The following OR11A1 variants were observed in gnomAD, a reference collection of about 807,000 sequenced individuals.
OR11A1 encodes olfactory receptor 11A1.
For synonymous variants in OR11A1, 158 were observed against 152.2 expected, an observed-to-expected ratio of 1.04 and a Z score of -0.28; for missense variants, 380 against 378.2, an observed-to-expected ratio of 1.00 and a Z score of -0.04.
At chr6:29,436,711 T>C (rs1426102701) in intron 1 of OR11A1, among the ~76,000 whole-genome samples, 1 of 152,196 alleles carries the variant, frequency 6.6e-6, no homozygotes, top group East Asian at 1.9e-4. Context: ...ATGAGAAATA[T>C]GAGTCTCATT....
intron 1 of OR11A1, among the ~76,000 whole-genome samples, chr6:29,444,206 A>G (rs1248811597): frequency 2.0e-5 from 3 of 152,130 alleles, no homozygotes; most frequent in African/African-American, 2.4e-5. Flanking sequence ...GCTGCCCTAC[A>G]CAAGCTCTCA....
chr6:29,432,807 C>T (rs1054603151), intron 1 of OR11A1, among the ~76,000 whole-genome samples: 2 of 152,100 alleles, frequency 1.3e-5, no homozygotes, highest in African/African-American at 4.8e-5. Flanking sequence ...TTATCAAACT[C>T]AGACCCTAAC....
chr6:29,448,261 C>T (rs1358876222), intron 1 of OR11A1, among the ~76,000 whole-genome samples: 1 of 151,826 alleles, frequency 6.6e-6, no homozygotes, highest in Non-Finnish European at 1.5e-5. Context: ...ATGATCTGCC[C>T]ACCTCGGCCT....
At chr6:29,455,181 A>T (rs1582637920) in intron 1 of OR11A1, among the ~76,000 whole-genome samples, 1 of 152,330 alleles carries the variant, frequency 6.6e-6, no homozygotes, top group East Asian at 1.9e-4. Context: ...AATCAAACTT[A>T]AAAGCTTCTT....
intron 1 of OR11A1, chr6:29,439,376 A>C (rs1197633140): frequency 5.9e-5 from 9 of 152,224 alleles, no homozygotes; most frequent in Non-Finnish European, 1.0e-4. Context: ...AGAAATGCTC[A>C]CCCCTCTAAA....
At chr6:29,428,289 A>C (rs986421154) in intron 4 of OR11A1, 5 of 985,182 alleles carry the variant, frequency 5.1e-6, no homozygotes, top group Non-Finnish European at 4.8e-6. Context: ...CAAGTCATTC[A>C]GGAGTTGGTA....
chr6:29,437,155 A>T (rs1178743097), intron 1 of OR11A1, among the ~76,000 whole-genome samples: 1 of 152,240 alleles, frequency 6.6e-6, no homozygotes, highest in Non-Finnish European at 1.5e-5. Flanking sequence ...CTAGAACTAG[A>T]AATACCATTT....
chr6:29,429,458 G>C (rs1182310775), intron 3 of OR11A1, among the ~76,000 whole-genome samples: 2 of 152,108 alleles, frequency 1.3e-5, no homozygotes, highest in Non-Finnish European at 2.9e-5. Flanking sequence ...AAACAAAACT[G>C]GTCCATACTC....
chr6:29,456,731 G>T (rs981998431), intron 1 of OR11A1, among the ~76,000 whole-genome samples: 19 of 152,198 alleles, frequency 1.2e-4, no homozygotes, highest in African/African-American at 4.6e-4. Flanking sequence ...CTCTATTACA[G>T]CATAAAAAGT....
chr6:29,432,786 T>G (rs1783312686), intron 1 of OR11A1, among the ~76,000 whole-genome samples: 1 of 152,172 alleles, frequency 6.6e-6, no homozygotes, highest in Non-Finnish European at 1.5e-5. Flanking sequence ...TTGAAGGCAC[T>G]TCTGTGTCAT....
At chr6:29,439,431 T>A (rs554206157) in intron 1 of OR11A1, 1 of 152,514 alleles carries the variant, frequency 6.6e-6, no homozygotes, top group South Asian at 2.1e-4. Flanking sequence ...AGAGAGGATC[T>A]TTCTCATTTT....
At chr6:29,446,134 T>C (rs1165820531) in intron 1 of OR11A1, among the ~76,000 whole-genome samples, 1 of 152,158 alleles carries the variant, frequency 6.6e-6, no homozygotes, top group Non-Finnish European at 1.5e-5. Context: ...TGGCTAACCC[T>C]TTACACTTCT....
At chr6:29,439,915 T>A in intron 1 of OR11A1, 2 of 836,796 alleles carry the variant, frequency 2.4e-6, no homozygotes, top group Admixed American at 2.4e-5. Flanking sequence ...AGTGCTGCGA[T>A]CAGATGCAGA....
intron 1 of OR11A1, among the ~76,000 whole-genome samples, chr6:29,432,375 T>C (rs1561778366): frequency 6.6e-6 from 1 of 152,070 alleles, no homozygotes; most frequent in Non-Finnish European, 1.5e-5. Context: ...AAAGCCCCAA[T>C]TCCTAGTCTC....
intron 1 of OR11A1, chr6:29,440,248 C>G (rs773828591): frequency 6.2e-7 from 1 of 1,614,022 alleles, no homozygotes; most frequent in Non-Finnish European, 8.5e-7. Flanking sequence ...GTCACGGTCC[C>G]CCTGCTACTT....
rs772307888 is a variant in OR11A1, at chr6:29,427,038, TGA to T, written c.602_603del (p.Leu201HisfsTer111). On this transcript the variant is annotated frameshift_variant, in exon 5 of 5. Transcript: ENST00000377149. LOFTEE classifies it low-confidence loss of function (END_TRUNC). ...SDPRVAQVTT[L>X]ILSVFCLTIP... Reference sequence around the variant, plus strand: ...ATAGTGAGGCAGAACACAGACAGAATGAGAGTTGTCACCTGAGCCACTCTGGG... The same window carrying T: ...ATAGTGAGGCAGAACACAGACAGAATGAGTTGTCACCTGAGCCACTCTGGG... 9.9e-6 allele frequency: 16 copies of T among 1,612,270 alleles called. 1 individual carries two copies. The highest frequency in any genetic ancestry group is 1.6e-4 in the Middle Eastern group (1 of 6,062).
chr6:29,455,025 G>A (rs1785903630), intron 1 of OR11A1, among the ~76,000 whole-genome samples: 1 of 151,726 alleles, frequency 6.6e-6, no homozygotes, highest in African/African-American at 2.4e-5. Context: ...ATTAACATGG[G>A]TCATATAAAT....
At chr6:29,454,376 G>T (rs1201207612) in intron 1 of OR11A1, among the ~76,000 whole-genome samples, 2 of 152,042 alleles carry the variant, frequency 1.3e-5, no homozygotes, top group African/African-American at 4.8e-5. Context: ...AGGCATGAAA[G>T]GATGCTCTTT....
intron 1 of OR11A1, among the ~76,000 whole-genome samples, chr6:29,434,963 T>G (rs2151373134): frequency 6.6e-6 from 1 of 152,386 alleles, no homozygotes; most frequent in South Asian, 2.1e-4. Flanking sequence ...CTTGGCCACA[T>G]AAATTACCTA....
Sources: gnomAD v4.1 joint callset for allele counts (sites outside exome capture counted in the v4.1 genomes callset) on GRCh38, gnomAD v4.1.1 for gene constraint, MANE v1.5 for transcripts, NCBI Gene and HGNC (gene_info 2026-07-23, HGNC 2026-07-21) for gene names.